Variants in GATA4 observed in about 807,000 individuals in gnomAD.
GATA4 encodes the protein transcription factor GATA-4.
A neutral mutation model predicts 37.9 loss-of-function variants in GATA4; 7 were observed. That is an observed-to-expected ratio of 0.18 (90% CI 0.11 to 0.35). GATA4 has a LOEUF of 0.35. GATA4 is among the 10% of genes least tolerant of loss of function. GATA4 has a pLI of 1.00. For missense variants in GATA4, 647 were observed against 653.0 expected, an observed-to-expected ratio of 0.99 and a Z score of 0.10; for synonymous variants, 372 against 292.6, an observed-to-expected ratio of 1.27 and a Z score of -2.77.
rs545542346 is a variant in GATA4, at chr8:11,759,343, CA to C, written c.*869del. 41 of 153,116 alleles carry C rather than the reference CA, an allele frequency of 2.7e-4. No homozygotes were observed. Among genetic ancestry groups the C allele is most frequent in the African/African-American group, 9.6e-4 (40 of 41,586 alleles). 9.5% of individuals were successfully genotyped at this position (153,116 alleles called of 1,614,324 possible). On this transcript the variant is annotated 3_prime_UTR_variant, in exon 7 of 7. Transcript: ENST00000532059. Reference sequence around the variant, plus strand: ...GAACAAAACGTTCTGCTGCTCAAGCCAGTCTGGCAAGCACTCAGCCCAGCCT... The same window carrying C: ...GAACAAAACGTTCTGCTGCTCAAGCCGTCTGGCAAGCACTCAGCCCAGCCT...
chr8:11,704,793 C>T (rs1220312863), intron 1 of GATA4, among the ~76,000 whole-genome samples: 1 of 152,214 alleles, frequency 6.6e-6, no homozygotes, highest in African/African-American at 2.4e-5. Flanking sequence ...CTCAGGGGCC[C>T]CCGGGAGCCG....
chr8:11,734,875 A>G (rs769371239), intron 2 of GATA4, among the ~76,000 whole-genome samples: 1 of 152,208 alleles, frequency 6.6e-6, no homozygotes, highest in African/African-American at 2.4e-5. Flanking sequence ...CAACCTCCAA[A>G]TACCATCACA....
chr8:11,708,347 G>A lies in GATA4; in HGVS notation c.35G>A (p.Gly12Glu). 1 of 1,583,974 alleles carries A rather than the reference G, an allele frequency of 6.3e-7. No individual in the cohort carries two copies. Among genetic ancestry groups the A allele is most frequent in the Non-Finnish European group, 8.5e-7 (1 of 1,173,060 alleles). ...YQSLAMAANH[G>E]PPPGAYEAGG... ...AGCTTGGCCATGGCCGCCAACCACG[G>A]GCCGCCCCCCGGTGCCTACGAGGCG... is the stretch of plus-strand genomic sequence containing the variant. Residue 12 changes from glycine (G) to glutamate (E), a missense_variant, in exon 2 of 7, where the codon GGG becomes GAG. This residue lies in a region of GATA4 where 379 missense variants were observed against 334.5 expected (regional missense o/e 1.13). Transcript: ENST00000532059. This position sits in a 1 kb window ranked among gnomAD's most constrained non-coding sequence, Gnocchi z 6.7.
chr8:11,708,895 C>G lies in GATA4; in HGVS notation c.583C>G (p.Arg195Gly). 1.3e-6 allele frequency: 2 copies of G among 1,527,800 alleles called. No homozygotes were observed. The highest frequency in any genetic ancestry group is 1.7e-6 in the Non-Finnish European group (2 of 1,143,780). 94.6% of individuals were successfully genotyped at this position (1,527,800 alleles called of 1,614,324 possible). A position where few individuals can be genotyped will look rare whatever the true frequency, so the allele number is the denominator to read the frequency against. The change falls in exon 2 of 7, where the codon CGG (arginine) becomes GGG (glycine). Residue 195 changes from arginine to glycine, a missense_variant. By Grantham distance (125) the Arg-to-Gly change is moderately radical. Around this residue, in one of 5 missense-constraint regions of GATA4, gnomAD observed 379 missense variants for 334.5 expected, o/e 1.13. Coordinates refer to ENST00000532059, the MANE Select transcript of GATA4 (RefSeq NM_001308093.3). This position sits in a 1 kb window ranked among gnomAD's most constrained non-coding sequence, Gnocchi z 6.7. The stretch of plus-strand genomic sequence containing the variant: ...CCCGGTCCTGCACAGCCTGCCCGGC[C>G]GGGCCAACCCGGCCGCCCGACACCC... Reference protein sequence around the residue: ...DSPVLHSLPGRANPAARHPNL... With the variant: ...DSPVLHSLPGGANPAARHPNL...
intron 5 of GATA4, among the ~76,000 whole-genome samples, chr8:11,756,098 A>G (rs1802554502): frequency 6.6e-6 from 1 of 152,174 alleles, no homozygotes; most frequent in Non-Finnish European, 1.5e-5. Flanking sequence ...TTCCTCACTC[A>G]GTACTGCTAC....
intron 2 of GATA4, among the ~76,000 whole-genome samples, chr8:11,733,567 C>T (rs2130219316): frequency 6.6e-6 from 1 of 152,330 alleles, no homozygotes; most frequent in Non-Finnish European, 1.5e-5. Context: ...ATATCATGTA[C>T]AGCTAAACAG....
chr8:11,713,799 C>G (rs1800308789), intron 2 of GATA4, among the ~76,000 whole-genome samples: 2 of 152,198 alleles, frequency 1.3e-5, no homozygotes, highest in East Asian at 3.8e-4. Flanking sequence ...GCGCTGGAAG[C>G]ACTTGTGGTG....
At chr8:11,741,524 G>C (rs1474301970) in intron 2 of GATA4, among the ~76,000 whole-genome samples, 1 of 152,032 alleles carries the variant, frequency 6.6e-6, no homozygotes, top group African/African-American at 2.4e-5. Flanking sequence ...CAATGCAACA[G>C]TCCACAAGTT....
intron 6 of GATA4, among the ~76,000 whole-genome samples, chr8:11,757,302 T>G (rs1654855280): frequency 6.6e-6 from 1 of 152,244 alleles, no homozygotes; most frequent in African/African-American, 2.4e-5. Flanking sequence ...TCAGGACATC[T>G]TATCAAGATG....
At chr8:11,692,005 A>G (rs1799328901), upstream of GATA4, 8 of 985,008 alleles carry the variant, frequency 8.1e-6, no homozygotes, top group Non-Finnish European at 9.6e-6. Flanking sequence ...ATTCAGGGAG[A>G]CTGCTTCGCA....
intron 2 of GATA4, among the ~76,000 whole-genome samples, chr8:11,745,312 G>A (rs1161155315): frequency 1.3e-5 from 2 of 149,186 alleles, no homozygotes; most frequent in Admixed American, 6.7e-5. Flanking sequence ...GGTGGCTCAC[G>A]CCCATAATCC....
Position 11,757,033 on chromosome 8 carries a change from A to G in GATA4, c.1099A>G (p.Thr367Ala). Residue 367 changes from threonine to alanine, a missense_variant, in exon 6 of 7, where the codon ACG (threonine) becomes GCG (alanine). Physicochemically the swap from Thr to Ala is moderately conservative, Grantham distance 58. Transcript: ENST00000532059. Reference sequence around the variant, plus strand: ...CAGCGAGGAGATGCGTCCCATCAAGACGGAGCCTGGCCTGTCATCTCACTA... The same window carrying G: ...CAGCGAGGAGATGCGTCCCATCAAGGCGGAGCCTGGCCTGTCATCTCACTA... ...SSSEEMRPIK[T>A]EPGLSSHYGH... The G allele has an allele frequency of 7.4e-6, 12 of 1,614,160 alleles. No individual in the cohort carries two copies. The highest frequency in any genetic ancestry group is 1.0e-5 in the Non-Finnish European group (12 of 1,180,028).
chr8:11,756,814 C>A, intron 5 of GATA4, 121 bp from the exon 6 acceptor site: 1 of 1,336,874 alleles, frequency 7.5e-7, no homozygotes, highest in Non-Finnish European at 1.1e-6. Context: ...ACCTCTGCTG[C>A]TGTCCCCGGC....
chr8:11,734,825 T>C (rs890487176), intron 2 of GATA4, among the ~76,000 whole-genome samples: 1 of 152,214 alleles, frequency 6.6e-6, no homozygotes, highest in African/African-American at 2.4e-5. Context: ...ATCCCATTCA[T>C]GAGGGCTCCG....
At chr8:11,690,742 G>C (rs956536997), upstream of GATA4, among the ~76,000 whole-genome samples, 3 of 152,210 alleles carry the variant, frequency 2.0e-5, no homozygotes, top group African/African-American at 7.2e-5. Context: ...CTGGTGGTGC[G>C]CACCTGTACT....
At chr8:11,754,432 G>A (rs1325590806) in intron 4 of GATA4, among the ~76,000 whole-genome samples, 1 of 152,150 alleles carries the variant, frequency 6.6e-6, no homozygotes, top group Non-Finnish European at 1.5e-5. Flanking sequence ...TGCCAAGGAT[G>A]GTCTCGAACT....
intron 2 of GATA4, among the ~76,000 whole-genome samples, chr8:11,714,094 T>C (rs1199275758): frequency 6.6e-6 from 1 of 152,228 alleles, no homozygotes; most frequent in Non-Finnish European, 1.5e-5. Context: ...TAAATATGCC[T>C]TGACGGATAT....
At chr8:11,725,846 A>C (rs1800896426) in intron 2 of GATA4, among the ~76,000 whole-genome samples, 1 of 152,156 alleles carries the variant, frequency 6.6e-6, no homozygotes, top group African/African-American at 2.4e-5. Context: ...AGTGGCGGGA[A>C]AGGGGCCTGG....
At chr8:11,716,796 G>A (rs1476734953) in intron 2 of GATA4, among the ~76,000 whole-genome samples, 1 of 152,216 alleles carries the variant, frequency 6.6e-6, no homozygotes, top group Non-Finnish European at 1.5e-5. Context: ...TTCCTCCAGG[G>A]CAAGGTGATT....
Sources: allele counts gnomAD v4.1 joint callset (sites outside exome capture counted in the v4.1 genomes callset), GRCh38; gene constraint gnomAD v4.1.1; regional missense constraint gnomAD v4.1.1; non-coding constraint Gnocchi (gnomAD v3.1); transcripts MANE v1.5; gene names NCBI Gene and HGNC (gene_info 2026-07-23, HGNC 2026-07-21).